PPARGC1B: variants seen among roughly 807,000 people sequenced by gnomAD.
PPARGC1B encodes PPARG coactivator 1 beta.
PPARGC1B carries 34 observed loss-of-function variants against 101.6 expected under a neutral mutation model. That is an observed-to-expected ratio of 0.33 (90% CI 0.25 to 0.45). The LOEUF is 0.45. PPARGC1B is among the 20% of genes least tolerant of loss of function. PPARGC1B has a pLI of 1.00. For synonymous variants in PPARGC1B, 548 were observed against 539.3 expected (o/e 1.02, Z -0.22); for missense variants, 1,234 against 1,317.6 (o/e 0.94, Z 0.98).
rs770840589 is a variant in PPARGC1B, at chr5:149,833,032, C to G, written c.959C>G (p.Ser320Cys). The part of the protein sequence containing the change: ...EPLPKACSNP[S>C]QQVRSRPWSR... ...CTCCCCAAGGCCTGCAGCAACCCCTCCCAGCAGGTCAGATCCCGGCCCTGG... is the reference window on the plus strand; with the variant it reads ...CTCCCCAAGGCCTGCAGCAACCCCTGCCAGCAGGTCAGATCCCGGCCCTGG... The change falls in exon 5 of 12, where the codon TCC becomes TGC. Residue 320 changes from serine (S) to cysteine (C), a missense_variant. Ser to Cys is a moderately radical substitution (Grantham distance 112). Around this residue, in one of 3 missense-constraint regions of PPARGC1B, gnomAD observed 734 missense variants for 768.4 expected, o/e 0.96. Coordinates refer to ENST00000309241, the MANE Select transcript of PPARGC1B (RefSeq NM_133263.4). The surrounding 1 kb of genome is among the most constrained non-coding windows in gnomAD (Gnocchi z 4.1). 4 of 1,613,792 alleles carry G rather than the reference C, an allele frequency of 2.5e-6. No homozygotes were observed. The South Asian group carries it at 4.4e-5, about 18-fold the overall frequency.
chr5:149,752,568 C>T (rs1755352881), intron 1 of PPARGC1B, among the ~76,000 whole-genome samples: 1 of 152,254 alleles, frequency 6.6e-6, no homozygotes, highest in African/African-American at 2.4e-5. Context: ...GCGGCTCACG[C>T]CTGTAATCCC....
chr5:149,835,365 G>C lies in PPARGC1B; in HGVS notation c.1807G>C (p.Gly603Arg). 6.2e-7 allele frequency: 1 copy of C among 1,613,998 alleles called. No homozygotes were observed. Among genetic ancestry groups the C allele is most frequent in the African/African-American group, 1.3e-5 (1 of 75,048 alleles). ...TLTVELCGTA[G>R]LTPPTTPPYK... ...GACAGTGGAGCTCTGTGGCACAGCA[G>C]GTGAGCCAGGGGGCTTCCACTGGCA... The change falls in exon 7 of 12, where the codon GGA (glycine) becomes CGA (arginine). Residue 603 changes from glycine to arginine, a missense_variant and splice_region_variant. Gly to Arg is a moderately radical substitution (Grantham distance 125). Coordinates refer to ENST00000309241, the MANE Select transcript of PPARGC1B (RefSeq NM_133263.4).
intron 1 of PPARGC1B, chr5:149,732,912 T>C (rs987882110): frequency 7.1e-6 from 3 of 421,608 alleles, no homozygotes; most frequent in Non-Finnish European, 1.5e-5. Flanking sequence ...CCTTCCCCAC[T>C]CTCTGGCTGG....
At chr5:149,843,750 C>A (rs964001146) in intron 10 of PPARGC1B, among the ~76,000 whole-genome samples, 9 of 152,102 alleles carry the variant, frequency 5.9e-5, no homozygotes, top group Non-Finnish European at 1.2e-4. Context: ...CAAATGTCCC[C>A]CAACAGATGA....
chr5:149,739,211 T>A (rs1055490597), intron 1 of PPARGC1B, among the ~76,000 whole-genome samples: 1 of 152,216 alleles, frequency 6.6e-6, no homozygotes, highest in African/African-American at 2.4e-5. Context: ...GCGTCCACTG[T>A]TAAAGACTTG....
chr5:149,798,631 C>G (rs1457707186), intron 1 of PPARGC1B, among the ~76,000 whole-genome samples: 1 of 152,216 alleles, frequency 6.6e-6, no homozygotes, highest in Non-Finnish European at 1.5e-5. Context: ...TCACATAGCT[C>G]CAGCCAATGG....
intron 1 of PPARGC1B, among the ~76,000 whole-genome samples, chr5:149,805,859 C>T (rs1362382759): frequency 6.6e-6 from 1 of 152,262 alleles, no homozygotes; most frequent in Non-Finnish European, 1.5e-5. Context: ...TTTCATAATT[C>T]CTCCCATTTC....
chr5:149,794,532 A>G (rs1581061081), intron 1 of PPARGC1B, among the ~76,000 whole-genome samples: 3 of 109,442 alleles, frequency 2.7e-5, no homozygotes, highest in African/African-American at 5.4e-5. Flanking sequence ...GTGCACACAC[A>G]CACACACACA....
chr5:149,735,522 C>T (rs978790053), intron 1 of PPARGC1B, among the ~76,000 whole-genome samples: 32 of 152,216 alleles, frequency 2.1e-4, no homozygotes, highest in Admixed American at 1.9e-3. Context: ...TCATCAGTGA[C>T]GTTTACTGAG....
chr5:149,750,520 A>ACTCAGATAC (rs1450658906), intron 1 of PPARGC1B, among the ~76,000 whole-genome samples: 2 of 147,222 alleles, frequency 1.4e-5, no homozygotes, highest in African/African-American at 5.0e-5. Context: ...GTCAGTGAAT[A>ACTCAGATAC]CTCAGATACC....
intron 1 of PPARGC1B, among the ~76,000 whole-genome samples, chr5:149,809,859 G>A (rs909258933): frequency 1.3e-5 from 2 of 152,070 alleles, no homozygotes; most frequent in South Asian, 4.1e-4. Flanking sequence ...TGGCCATTTG[G>A]GGTGCAGTGG....
chr5:149,832,593 G>T lies in PPARGC1B; in HGVS notation c.583-63G>T. The stretch of plus-strand genomic sequence containing the variant: ...CAATGGGCCAGCCAGTGACCATGCG[G>T]ATGAGACACATGGGAGGAGTGTTTG... On this transcript the variant is annotated intron_variant, in intron 4 of 11. Coordinates refer to ENST00000309241, the MANE Select transcript of PPARGC1B (RefSeq NM_133263.4). This position sits in a 1 kb window ranked among gnomAD's most constrained non-coding sequence, Gnocchi z 4.9. The T allele has an allele frequency of 7.5e-7, 1 of 1,336,482 alleles. No homozygotes were observed. Among genetic ancestry groups the T allele is most frequent in the East Asian group, 2.4e-5 (1 of 42,372 alleles). The allele number at this position is 1,336,482 out of a possible 1,614,324, so 82.8% of individuals were successfully genotyped here.
chr5:149,797,234 T>G (rs183672781), intron 1 of PPARGC1B, among the ~76,000 whole-genome samples: 5 of 152,352 alleles, frequency 3.3e-5, no homozygotes, highest in Non-Finnish European at 1.5e-5. Flanking sequence ...ATTGACAGTG[T>G]GCCAGGCACT....
chr5:149,803,246 A>G (rs567398643), intron 1 of PPARGC1B, among the ~76,000 whole-genome samples: 2 of 152,080 alleles, frequency 1.3e-5, no homozygotes, highest in African/African-American at 4.8e-5. Flanking sequence ...GTTCTCTACT[A>G]TTGCTTCCAC....
chr5:149,793,732 G>A (rs1408064376), intron 1 of PPARGC1B, among the ~76,000 whole-genome samples: 1 of 152,194 alleles, frequency 6.6e-6, no homozygotes. Flanking sequence ...ACTTCTTGAA[G>A]ACAGCAGACT....
intron 1 of PPARGC1B, among the ~76,000 whole-genome samples, chr5:149,785,612 C>A (rs2113237587): frequency 6.6e-6 from 1 of 152,314 alleles, no homozygotes; most frequent in East Asian, 1.9e-4. Context: ...TTGGCCTTGG[C>A]CTCTACTCTG....
rs763601361 is a variant in PPARGC1B at position 149,833,488 on chromosome 5, C to G, written c.1415C>G (p.Ser472Cys). The G allele has an allele frequency of 8.9e-6, 14 of 1,565,688 alleles. No homozygotes were observed. Among genetic ancestry groups the G allele is most frequent in the Non-Finnish European group, 1.1e-5 (13 of 1,154,920 alleles). Residue 472 changes from serine to cysteine, a missense_variant, in exon 5 of 12, where the codon TCT becomes TGT. By Grantham distance (112) the Ser-to-Cys change is moderately radical. Transcript: ENST00000309241. This position sits in a 1 kb window ranked among gnomAD's most constrained non-coding sequence, Gnocchi z 4.1. ...WTKLGRKLES[S>C]VCPVRRSRRL... ...AAGCTGGGGAGGAAGCTGGAGAGCT[C>G]TGTGTGCCCCGTGCGGCGTTCTCGG...
chr5:149,750,691 A>G (rs371149877), intron 1 of PPARGC1B, among the ~76,000 whole-genome samples: 15 of 152,286 alleles, frequency 9.8e-5, no homozygotes, highest in Admixed American at 5.9e-4. Flanking sequence ...ATCAAGTGGA[A>G]AAAGAGTGAA....
chr5:149,812,150 G>C (rs968616685), intron 1 of PPARGC1B, among the ~76,000 whole-genome samples: 2 of 152,232 alleles, frequency 1.3e-5, no homozygotes, highest in African/African-American at 4.8e-5. Context: ...TTGGATGCTG[G>C]GTTGAGATCT....
Sources: gnomAD v4.1 joint callset for allele counts (sites outside exome capture counted in the v4.1 genomes callset) on GRCh38, gnomAD v4.1.1 for gene constraint, gnomAD v4.1.1 regional missense constraint, Gnocchi (gnomAD v3.1) non-coding constraint, MANE v1.5 for transcripts, NCBI Gene and HGNC (gene_info 2026-07-23, HGNC 2026-07-21) for gene names.